ATP9B: variants seen among roughly 807,000 people sequenced by gnomAD.
ATP9B encodes ATPase phospholipid transporting 9B, also known as probable phospholipid-transporting ATPase IIB.
ATP9B carries 110 observed loss-of-function variants against 146.1 expected under a neutral mutation model. That is an observed-to-expected ratio of 0.75 (90% CI 0.65 to 0.88). The LOEUF (loss-of-function observed/expected upper bound fraction) is 0.88. Among genes scored for constraint, ATP9B ranks in the 40% least tolerant of loss-of-function variants. The pLI, the probability that ATP9B is intolerant of heterozygous loss-of-function variation, is 0.00. For synonymous variants in ATP9B, 604 were observed against 569.7 expected (o/e 1.06, Z -0.86); for missense variants, 1,499 against 1,496.4 (o/e 1.00, Z -0.03).
chr18:79,327,796 CTCTCCGTGGTTAGCGTGT>C (rs2096764765), intron 15 of ATP9B, among the ~76,000 whole-genome samples: 9 of 110,742 alleles, frequency 8.1e-5, no homozygotes, highest in Non-Finnish European at 1.6e-4. Context: ...GGTTAGCGTG[CTCTCCGTGGTTAGCGTGT>C]TCTCCGTGGT....
intron 5 of ATP9B, among the ~76,000 whole-genome samples, chr18:79,139,000 C>G (rs1023391328): frequency 1.3e-5 from 2 of 152,082 alleles, no homozygotes; most frequent in Admixed American, 1.3e-4. Context: ...CCAGGGAGAT[C>G]GAGGCCACAG....
chr18:79,096,353 T>C (rs2074779490), intron 1 of ATP9B, 123 bp from the exon 2 acceptor site: 2 of 941,044 alleles, frequency 2.1e-6, no homozygotes, highest in Admixed American at 5.0e-5. Context: ...CTCTGCAGTC[T>C]TATTTATAAT....
intron 25 of ATP9B, among the ~76,000 whole-genome samples, chr18:79,351,561 A>C (rs1354622850): frequency 6.6e-6 from 1 of 152,248 alleles, no homozygotes; most frequent in Non-Finnish European, 1.5e-5. Context: ...TTTTTACAAA[A>C]TAACATCTAA....
intron 12 of ATP9B, 56 bp downstream of exon 12, chr18:79,253,597 T>C (rs1346512435): frequency 6.7e-7 from 1 of 1,494,834 alleles, no homozygotes; most frequent in East Asian, 2.4e-5. Context: ...TATGATTTTA[T>C]TGAATTTATC....
intron 1 of ATP9B, among the ~76,000 whole-genome samples, chr18:79,094,205 TC>T (rs2074591912): frequency 1.3e-5 from 2 of 152,168 alleles, no homozygotes; most frequent in Admixed American, 1.3e-4. Flanking sequence ...CCTGAGTAAT[TC>T]CCAGAGCCTG....
In ATP9B at chr18:79,250,073, A is replaced by G. The variant is rs1201283851; in HGVS notation, c.1108-3308A>G. ...TCAAAGTGATTACATTCACTAGTCA[A>G]GCATCTGACCACATCTGTCTTCATC... On this transcript the variant is annotated intron_variant, in intron 11 of 29. Coordinates refer to ENST00000426216, the MANE Select transcript of ATP9B (RefSeq NM_198531.5). 4.6e-5 allele frequency among the ~76,000 whole-genome samples: 7 copies of G among 152,376 alleles called. No individual in the cohort carries two copies. The South Asian group carries it at 8.3e-4, about 18-fold the overall frequency.
intron 13 of ATP9B, among the ~76,000 whole-genome samples, chr18:79,296,971 C>T (rs142914411): frequency 4.2e-5 from 6 of 143,868 alleles, no homozygotes; most frequent in African/African-American, 1.6e-4. Flanking sequence ...AGAGAGGAGA[C>T]AGAGAGATGA....
At chr18:79,272,285 C>T (rs1258632284) in intron 12 of ATP9B, among the ~76,000 whole-genome samples, 2 of 152,212 alleles carry the variant, frequency 1.3e-5, no homozygotes, top group African/African-American at 2.4e-5. Flanking sequence ...TAGCATGCTT[C>T]CATGTTTAGG....
In ATP9B at chr18:79,213,943, C is replaced by T. The variant is rs1227758229; in HGVS notation, c.1031-19C>T. The T allele has an allele frequency of 6.4e-7, 1 of 1,567,036 alleles. No homozygotes were observed. Among genetic ancestry groups the T allele is most frequent in the Non-Finnish European group, 8.6e-7 (1 of 1,156,216 alleles). ...ATCTTTAAAGTATTTCTACAAGGAC[C>T]ACTTTCATGTTTTTGCAGGTACTGT... On this transcript the variant is annotated intron_variant, in intron 10 of 29. Coordinates refer to ENST00000426216, the MANE Select transcript of ATP9B (RefSeq NM_198531.5).
chr18:79,071,894 T>G (rs1428531998), intron 1 of ATP9B, among the ~76,000 whole-genome samples: 9 of 150,958 alleles, frequency 6.0e-5, no homozygotes, highest in Middle Eastern at 6.8e-3. Flanking sequence ...GTTTTGTTTT[T>G]TTTTTTTTTT....
chr18:79,110,478 A>G lies in ATP9B; in HGVS notation c.417A>G (p.Lys139=), dbSNP rs775820006. The change falls in exon 3 of 30, where the codon AAA becomes AAG. Residue 139 remains lysine (K), a synonymous_variant. Transcript: ENST00000426216. Reference sequence around the variant, plus strand: ...CCAGGAATTCTATAAAAAATCAAAAATACAATGTGTTTACCTTTATACCTG... The same window carrying G: ...CCAGGAATTCTATAAAAAATCAAAAGTACAATGTGTTTACCTTTATACCTG... The part of the protein sequence containing the change: ...KHPRNSIKNQ[K]YNVFTFIPGV... 1 of 1,613,430 alleles carries G rather than the reference A, an allele frequency of 6.2e-7. No individual in the cohort carries two copies.
chr18:79,307,508 C>T (rs968339729), intron 15 of ATP9B: 3 of 414,630 alleles, frequency 7.2e-6, no homozygotes, highest in Non-Finnish European at 8.7e-6. Context: ...GAAATACCAG[C>T]GAGGTTTACT....
intron 8 of ATP9B, among the ~76,000 whole-genome samples, chr18:79,184,547 CT>C (rs2095286464): frequency 6.6e-6 from 1 of 151,866 alleles, no homozygotes; most frequent in African/African-American, 2.4e-5. Context: ...TATCTTATTA[CT>C]TGACATCTAG....
chr18:79,294,754 A>T (rs2096535536), intron 13 of ATP9B, among the ~76,000 whole-genome samples: 1 of 152,184 alleles, frequency 6.6e-6, no homozygotes. Context: ...TGTCTTTCAC[A>T]AATGATACTG....
intron 13 of ATP9B, among the ~76,000 whole-genome samples, chr18:79,280,385 C>T (rs1343313295): frequency 1.3e-5 from 2 of 151,742 alleles, no homozygotes; most frequent in Non-Finnish European, 2.9e-5. Flanking sequence ...GGTATATCTA[C>T]CTTGATTAAT....
Position 79,069,508 on chromosome 18 carries a change from C to G in ATP9B, c.98C>G (p.Pro33Arg). The change falls in exon 1 of 30, where the codon CCG (proline) becomes CGG (arginine). Residue 33 changes from proline (P) to arginine (R), a missense_variant. Transcript: ENST00000426216. ...AAYYSAAGPRPGADRHSRYQL... is the reference protein window; with the variant it reads ...AAYYSAAGPRRGADRHSRYQL... ...TACTACAGCGCCGCGGGGCCCAGGC[C>G]GGGAGCCGACCGGCACAGCAGGTAA... The G allele has an allele frequency of 6.9e-7, 1 of 1,439,506 alleles. No individual in the cohort carries two copies. The highest frequency in any genetic ancestry group is 9.1e-7 in the Non-Finnish European group (1 of 1,094,438). The allele number at this position is 1,439,506 out of a possible 1,614,324, so 89.2% of individuals were successfully genotyped here.
At chr18:79,157,396 C>CAAAAAAAA (rs147316668) in intron 7 of ATP9B, among the ~76,000 whole-genome samples, 6 of 48,588 alleles carry the variant, frequency 1.2e-4, no homozygotes, top group African/African-American at 3.0e-4. Context: ...AACTCCATCT[C>CAAAAAAAA]AAAAAAAAAA....
intron 1 of ATP9B, among the ~76,000 whole-genome samples, chr18:79,083,152 A>AGGT (rs2073440894): frequency 6.6e-6 from 1 of 152,168 alleles, no homozygotes; most frequent in Non-Finnish European, 1.5e-5. Flanking sequence ...GGCTTTGCCA[A>AGGT]GGTGTGGTGG....
At chr18:79,152,447 A>AT (rs1394995328) in intron 6 of ATP9B, among the ~76,000 whole-genome samples, 4 of 152,144 alleles carry the variant, frequency 2.6e-5, no homozygotes, top group Non-Finnish European at 5.9e-5. Flanking sequence ...TGCGTTGCAG[A>AT]TATCTTCTTT....
Sources: allele counts gnomAD v4.1 joint callset (sites outside exome capture counted in the v4.1 genomes callset), GRCh38; gene constraint gnomAD v4.1.1; transcripts MANE v1.5; gene names NCBI Gene and HGNC (gene_info 2026-07-23, HGNC 2026-07-21).